The following TENT4B variants were observed in gnomAD, a reference collection of about 807,000 sequenced individuals.
The protein encoded by TENT4B is terminal nucleotidyltransferase 4B.
In TENT4B, 10 loss-of-function variants were observed where a neutral mutation model predicts 75.0. The ratio of observed to expected loss-of-function variants is 0.13; its 90% confidence interval spans 0.08 to 0.23. TENT4B has a LOEUF of 0.23. Ranked by LOEUF, TENT4B falls within the 10% of genes least tolerant of loss-of-function variation. The probability of loss-of-function intolerance (pLI) is 1.00; values close to 1 mark genes in which losing one functional copy is unlikely to be tolerated. For synonymous variants in TENT4B, 350 were observed against 357.7 expected, an observed-to-expected ratio of 0.98 and a Z score of 0.24; for missense variants, 579 against 893.8, an observed-to-expected ratio of 0.65 and a Z score of 4.49.
intron 1 of TENT4B, among the ~76,000 whole-genome samples, chr16:50,171,149 C>G (rs1232053681): frequency 6.6e-6 from 1 of 152,116 alleles, no homozygotes; most frequent in Non-Finnish European, 1.5e-5. Context: ...GCCTGTAATC[C>G]TAATACTTTG....
intron 1 of TENT4B, among the ~76,000 whole-genome samples, chr16:50,191,980 C>T (rs1231729643): frequency 1.1e-4 from 17 of 150,772 alleles, no homozygotes; most frequent in East Asian, 3.9e-4. Flanking sequence ...TGGTGTCTCA[C>T]GCTTGTAATC....
chr16:50,231,712 G>A lies in TENT4B; in HGVS notation c.*2384G>A. 1 of 985,796 alleles carries A rather than the reference G, an allele frequency of 1.0e-6. No individual in the cohort carries two copies. The highest frequency in any genetic ancestry group is 1.2e-6 in the Non-Finnish European group (1 of 829,904). 61.1% of individuals were successfully genotyped at this position (985,796 alleles called of 1,614,324 possible). The stretch of plus-strand genomic sequence containing the variant: ...AAAAAAGCATGAAGGAGAAATTGAG[G>A]TGTGTATACATTTCCTCAAATGACC... On this transcript the variant is annotated 3_prime_UTR_variant, in exon 12 of 12. Coordinates refer to ENST00000561678, the MANE Select transcript of TENT4B (RefSeq NM_001365324.3).
At chr16:50,219,775 C>G (rs879530468) in intron 5 of TENT4B, among the ~76,000 whole-genome samples, 3 of 145,168 alleles carry the variant, frequency 2.1e-5, no homozygotes, top group Non-Finnish European at 3.0e-5. Context: ...TCTCTTCTTC[C>G]TTTTTCTTCC....
intron 1 of TENT4B, among the ~76,000 whole-genome samples, chr16:50,166,251 A>T (rs537694244): frequency 2.6e-5 from 4 of 151,800 alleles, no homozygotes; most frequent in African/African-American, 9.7e-5. Flanking sequence ...TGCCTGGCTA[A>T]TTTTTGTATT....
At chr16:50,205,256 A>G (rs547272165) in intron 1 of TENT4B, among the ~76,000 whole-genome samples, 40 of 152,158 alleles carry the variant, frequency 2.6e-4, no homozygotes, top group Admixed American at 5.2e-4. Flanking sequence ...TCACAACCAT[A>G]TTTTTCACAT....
intron 1 of TENT4B, among the ~76,000 whole-genome samples, chr16:50,193,494 C>T (rs990606853): frequency 2.6e-5 from 4 of 151,962 alleles, no homozygotes; most frequent in Admixed American, 1.3e-4. Flanking sequence ...CCCACCGCCA[C>T]GCCCGGCCAA....
chr16:50,192,036 G>T (rs1395222730), intron 1 of TENT4B, among the ~76,000 whole-genome samples: 1 of 151,978 alleles, frequency 6.6e-6, no homozygotes, highest in Non-Finnish European at 1.5e-5. Context: ...GGGGTCAGGA[G>T]TTCGATACCA....
At position 50,232,921 on chromosome 16, in the gene TENT4B, A is replaced by G. The variant is rs1257336163; in HGVS notation, c.*3593A>G. On this transcript the variant is annotated 3_prime_UTR_variant, in exon 12 of 12. Transcript: ENST00000561678. ...TGCTTCACAGTCAAAACTAAATGGT[A>G]AACTATCAAAAATACATTCCCAATT... 1.0e-6 allele frequency: 1 copy of G among 985,296 alleles called. No homozygotes were observed. The highest frequency in any genetic ancestry group is 1.2e-6 in the Non-Finnish European group (1 of 829,900). The allele number at this position is 985,296 out of a possible 1,614,324, so 61.0% of individuals were successfully genotyped here.
chr16:50,229,224 T>C lies in TENT4B; in HGVS notation c.2038T>C (p.Leu680=), dbSNP rs555489064. Residue 680 remains leucine, a synonymous_variant, in exon 12 of 12, where the codon TTG becomes CTG. Transcript: ENST00000561678. The part of the protein sequence containing the change: ...QGTTQTSHGS[L]MTNKQHQGKS... The stretch of plus-strand genomic sequence containing the variant: ...TACAACTCAAACAAGCCATGGTTCC[T>C]TGATGACAAACAAACAACATCAAGG... 1.9e-6 allele frequency: 3 copies of C among 1,613,936 alleles called. No homozygotes were observed. Among genetic ancestry groups the C allele is most frequent in the East Asian group, 2.2e-5 (1 of 44,888 alleles).
In TENT4B at chr16:50,234,735, C is replaced by G. The variant is rs539511662; in HGVS notation, c.*5407C>G. ...TCCAGTCTTTACTACTAAAAAGCAG[C>G]ACTGCCTTAACACACATTGTTATGG... On this transcript the variant is annotated 3_prime_UTR_variant, in exon 12 of 12. Coordinates refer to ENST00000561678, the MANE Select transcript of TENT4B (RefSeq NM_001365324.3). 2 of 985,442 alleles carry G rather than the reference C, an allele frequency of 2.0e-6. No homozygotes were observed. Among genetic ancestry groups the G allele is most frequent in the South Asian group, 9.4e-5 (2 of 21,292 alleles). 61.0% of individuals were successfully genotyped at this position (985,442 alleles called of 1,614,324 possible). A position where few individuals can be genotyped will look rare whatever the true frequency, so the allele number is the denominator to read the frequency against.
At position 50,153,534 on chromosome 16, in the gene TENT4B, A is replaced by AGCC. The variant is rs1344621888; in HGVS notation, c.-86_-84dup. The AGCC allele has an allele frequency of 2.0e-6, 2 of 977,022 alleles. No homozygotes were observed. Among genetic ancestry groups the AGCC allele is most frequent in the Admixed American group, 6.4e-5 (1 of 15,602 alleles). 60.5% of individuals were successfully genotyped at this position (977,022 alleles called of 1,614,324 possible). ...CGGCAGCAGCGGCAGCAGCAGCAGC[A>AGCC]GCCGAGGCCGGGCGTGCGCCTGAGG... is the stretch of plus-strand genomic sequence containing the variant. On this transcript the variant is annotated 5_prime_UTR_variant, in exon 1 of 12. Transcript: ENST00000561678.
chr16:50,214,342 T>C, intron 3 of TENT4B, 75 bp downstream of exon 3: 1 of 1,217,878 alleles, frequency 8.2e-7, no homozygotes, highest in Non-Finnish European at 1.2e-6. Flanking sequence ...TTGTAAGGAG[T>C]AGAAACAAAA....
intron 1 of TENT4B, among the ~76,000 whole-genome samples, chr16:50,154,682 C>T (rs796761078): frequency 6.6e-6 from 1 of 152,080 alleles, no homozygotes; most frequent in South Asian, 2.1e-4. Flanking sequence ...ATCATTCATT[C>T]CCTGAGAACA....
In TENT4B at chr16:50,225,002, A is replaced by G. The variant is rs375050665; in HGVS notation, c.1612+8A>G. 47 of 1,612,318 alleles carry G rather than the reference A, an allele frequency of 2.9e-5. 1 individual carries two copies. The highest frequency in any genetic ancestry group is 2.9e-5 in the Non-Finnish European group (34 of 1,178,722). ...CTGAGCCTTCATGCAATGGTAAGAT[A>G]TTTTCCTTGGTCGATTGACTGAGTA... On this transcript the variant is annotated splice_region_variant and intron_variant, in intron 9 of 11. Transcript: ENST00000561678.
intron 1 of TENT4B, among the ~76,000 whole-genome samples, chr16:50,179,613 G>A (rs1009419855): frequency 6.6e-6 from 1 of 152,100 alleles, no homozygotes; most frequent in Admixed American, 6.6e-5. Context: ...TCATTTGACC[G>A]ATTTGTTACA....
At chr16:50,209,494 G>C (rs2031165016) in intron 1 of TENT4B, among the ~76,000 whole-genome samples, 1 of 152,206 alleles carries the variant, frequency 6.6e-6, no homozygotes, top group African/African-American at 2.4e-5. Flanking sequence ...CAGAGGCATA[G>C]CAAGGAAAAC....
chr16:50,230,070 C>T lies in TENT4B; in HGVS notation c.*742C>T, dbSNP rs1346219913. On this transcript the variant is annotated 3_prime_UTR_variant, in exon 12 of 12. Coordinates refer to ENST00000561678, the MANE Select transcript of TENT4B (RefSeq NM_001365324.3). ...CTTGTGTCCTGCTGCAAAAATTTTTCCTCTCTAAAGAAAAGGTTTATGGTG... is the reference window on the plus strand; with the variant it reads ...CTTGTGTCCTGCTGCAAAAATTTTTTCTCTCTAAAGAAAAGGTTTATGGTG... 2 of 984,590 alleles carry T rather than the reference C, an allele frequency of 2.0e-6. No homozygotes were observed. The highest frequency in any genetic ancestry group is 2.3e-4 in the East Asian group (2 of 8,800). 61.0% of individuals were successfully genotyped at this position (984,590 alleles called of 1,614,324 possible).
intron 1 of TENT4B, among the ~76,000 whole-genome samples, chr16:50,190,162 G>A (rs976151654): frequency 5.9e-5 from 9 of 151,616 alleles, no homozygotes; most frequent in Non-Finnish European, 1.3e-4. Flanking sequence ...GCATTTATGT[G>A]AAATAACATT....
At position 50,222,683 on chromosome 16, in the gene TENT4B, A is replaced by T. The variant is rs565423063; in HGVS notation, c.1167+249A>T. On this transcript the variant is annotated intron_variant, in intron 6 of 11. Coordinates refer to ENST00000561678, the MANE Select transcript of TENT4B (RefSeq NM_001365324.3). ...GTATTTTTGAGACTTTTCACTGCAAATTTTAACATGCAAAATGTACGGCCT... is the reference window on the plus strand; with the variant it reads ...GTATTTTTGAGACTTTTCACTGCAATTTTTAACATGCAAAATGTACGGCCT... Among the ~76,000 whole-genome samples the T allele has an allele frequency of 5.3e-5, 8 of 152,278 alleles. No homozygotes were observed. The South Asian group carries it at 1.7e-3, about 32-fold the overall frequency.
Sources: gnomAD v4.1 joint callset for allele counts (sites outside exome capture counted in the v4.1 genomes callset) on GRCh38, gnomAD v4.1.1 for gene constraint, MANE v1.5 for transcripts, NCBI Gene and HGNC (gene_info 2026-07-23, HGNC 2026-07-21) for gene names.